The following DMD variants were observed in gnomAD, a reference collection of about 807,000 sequenced individuals.
The protein encoded by DMD is dystrophin, also known as mutant dystrophin.
In DMD, 63 loss-of-function variants were observed where a neutral mutation model predicts 330.1. The ratio of observed to expected loss-of-function variants is 0.19; its 90% confidence interval spans 0.16 to 0.24. The LOEUF (loss-of-function observed/expected upper bound fraction) is 0.24, where lower values mean the gene tolerates loss of function less well. DMD is among the 10% of genes least tolerant of loss of function. The pLI is 1.00. For synonymous variants in DMD, 1,223 were observed against 959.8 expected (o/e 1.27, Z -5.07); for missense variants, 3,344 against 2,684.1 (o/e 1.25, Z -5.43).
chrX:33,322,305 C>T (rs2054026750), intron 1 of DMD, among the ~76,000 whole-genome samples: 1 of 108,422 alleles, frequency 9.2e-6, no homozygotes, highest in South Asian at 4.1e-4. Flanking sequence ...ACTTAGAGAC[C>T]ACTGTGGGGT....
intron 1 of DMD, among the ~76,000 whole-genome samples, chrX:33,026,313 CAAAAAAAAAAAAAAAAA>C (rs56794668): frequency 4.0e-4 from 13 of 32,782 alleles, no homozygotes; most frequent in East Asian, 1.6e-3. Flanking sequence ...GACTCCGTCT[CAAAAAAAAAAAAAAAAA>C]AAAAAAAAAA....
chrX:33,183,652 T>G (rs2050105673), intron 1 of DMD, among the ~76,000 whole-genome samples: 1 of 111,567 alleles, frequency 9.0e-6, no homozygotes, highest in African/African-American at 3.3e-5. Context: ...CTCATTTCTG[T>G]GGTCACCAAG....
chrX:32,390,393 A>G (rs1488871799), intron 30 of DMD, among the ~76,000 whole-genome samples: 1 of 109,611 alleles, frequency 9.1e-6, no homozygotes, highest in Non-Finnish European at 1.9e-5. Flanking sequence ...ATTATCATAA[A>G]TATTTTTTAC....
intron 41 of DMD, among the ~76,000 whole-genome samples, chrX:32,326,201 C>G (rs1209523488): frequency 9.0e-6 from 1 of 111,627 alleles, no homozygotes; most frequent in African/African-American, 3.3e-5. Context: ...TTCCAAATAA[C>G]AAGTTTGAGA....
chrX:31,993,853 T>C (rs1253001129), intron 44 of DMD, among the ~76,000 whole-genome samples: 1 of 111,889 alleles, frequency 8.9e-6, no homozygotes, highest in South Asian at 3.7e-4. Flanking sequence ...ATGTAAATCT[T>C]TGCTCAGCTG....
intron 2 of DMD, among the ~76,000 whole-genome samples, chrX:32,964,656 C>T (rs757846284): frequency 1.1e-3 from 118 of 111,051 alleles, no homozygotes; most frequent in South Asian, 1.5e-3. Context: ...TGCAGTGAGC[C>T]GAGATTATGC....
intron 9 of DMD, among the ~76,000 whole-genome samples, chrX:32,645,929 GT>G (rs2059755051): frequency 8.9e-6 from 1 of 111,813 alleles, no homozygotes; most frequent in Non-Finnish European, 1.9e-5. Context: ...CAGGGTACCT[GT>G]TAAAAAATTG....
chrX:33,124,476 GAA>G (rs56147804), intron 1 of DMD, among the ~76,000 whole-genome samples: 19 of 16,132 alleles, frequency 1.2e-3, no homozygotes, highest in African/African-American at 4.9e-3. Context: ...GACTCTGTCT[GAA>G]AAAAAAAAAA....
intron 1 of DMD, among the ~76,000 whole-genome samples, chrX:33,240,555 T>C (rs2052571134): frequency 8.9e-6 from 1 of 112,239 alleles, no homozygotes; most frequent in African/African-American, 3.2e-5. Context: ...AACGTGTTGA[T>C]TTCATTTCCT....
At chrX:31,734,100 G>T (rs1488185948) in intron 51 of DMD, among the ~76,000 whole-genome samples, 1 of 110,579 alleles carries the variant, frequency 9.0e-6, no homozygotes, top group Non-Finnish European at 1.9e-5. Flanking sequence ...AGAACTCCCA[G>T]GTAACCCTTG....
intron 34 of DMD, among the ~76,000 whole-genome samples, chrX:32,378,435 T>G (rs1000605791): frequency 9.1e-6 from 1 of 109,948 alleles, no homozygotes; most frequent in Non-Finnish European, 1.9e-5. Flanking sequence ...ATTAAGATAC[T>G]TTAAGATAAA....
At chrX:31,332,915 G>T (rs1435974970) in intron 61 of DMD, among the ~76,000 whole-genome samples, 1 of 111,865 alleles carries the variant, frequency 8.9e-6, no homozygotes, top group Non-Finnish European at 1.9e-5. Context: ...CCAATGTGAG[G>T]AATCCCAGGG....
intron 44 of DMD, among the ~76,000 whole-genome samples, chrX:32,202,256 T>C (rs2097043637): frequency 8.9e-6 from 1 of 112,428 alleles, no homozygotes; most frequent in Non-Finnish European, 1.9e-5. Context: ...GTTTCTTCCC[T>C]ATATTTTTAA....
rs5902031 is a variant in DMD, at chrX:32,454,646, C to CTT, written c.3603+14_3603+15dup. The CTT allele has an allele frequency of 7.7e-3, 7,558 of 980,216 alleles. 2 individuals are homozygous for CTT. Among genetic ancestry groups the CTT allele is most frequent in the Middle Eastern group, 0.012 (40 of 3,225 alleles). 80.8% of individuals were successfully genotyped at this position (980,216 alleles called of 1,213,427 possible). A position where few individuals can be genotyped will look rare whatever the true frequency, so the allele number is the denominator to read the frequency against. On this transcript the variant is annotated intron_variant, in intron 26 of 78. Coordinates refer to ENST00000357033, the MANE Select transcript of DMD (RefSeq NM_004006.3). ...ATTTCCTTTGTTTTACTTAGTTTTT[C>CTT]TTTTTTTTTTTTTACCTTCATCTCT...
intron 2 of DMD, among the ~76,000 whole-genome samples, chrX:32,912,824 A>G (rs1472241450): frequency 2.7e-5 from 3 of 111,692 alleles, no homozygotes; most frequent in African/African-American, 9.8e-5. Context: ...GGAGATGGGT[A>G]CATAGATGGC....
intron 9 of DMD, among the ~76,000 whole-genome samples, chrX:32,668,324 C>T (rs2147168827): frequency 8.9e-6 from 1 of 112,276 alleles, no homozygotes; most frequent in South Asian, 3.7e-4. Flanking sequence ...TGCCTATCAA[C>T]TTTGTGGACT....
intron 13 of DMD, among the ~76,000 whole-genome samples, chrX:32,589,499 TAA>T (rs1376398772): frequency 2.7e-5 from 3 of 110,534 alleles, no homozygotes; most frequent in Non-Finnish European, 3.8e-5. Context: ...TATAGAAACA[TAA>T]AGAGATGTAT....
At chrX:31,918,355 T>C (rs1397553124) in intron 47 of DMD, among the ~76,000 whole-genome samples, 1 of 111,515 alleles carries the variant, frequency 9.0e-6, no homozygotes, top group East Asian at 2.8e-4. Context: ...GTGTTGAACC[T>C]GGGTCTAGAC....
chrX:33,048,519 G>A (rs1226779098), intron 1 of DMD, among the ~76,000 whole-genome samples: 2 of 108,304 alleles, frequency 1.8e-5, no homozygotes, highest in African/African-American at 6.7e-5. Context: ...GTGAAATCCC[G>A]TCTCTACTAA....
Sources: allele counts gnomAD v4.1 joint callset (sites outside exome capture counted in the v4.1 genomes callset), GRCh38; gene constraint gnomAD v4.1.1; transcripts MANE v1.5; gene names NCBI Gene and HGNC (gene_info 2026-07-23, HGNC 2026-07-21).